Variants in NRG3 observed in about 807,000 individuals in gnomAD.
NRG3 encodes the protein neuregulin 3.
A neutral mutation model predicts 66.9 loss-of-function variants in NRG3; 31 were observed. The ratio of observed to expected loss-of-function variants is 0.46; its 90% CI spans 0.35 to 0.63. NRG3 has a LOEUF of 0.63. Among genes scored for constraint, NRG3 ranks in the 20% least tolerant of loss-of-function variants. The pLI, the probability that NRG3 is intolerant of heterozygous loss-of-function variation, is 0.00. For missense variants in NRG3, 910 were observed against 878.9 expected (o/e 1.04, Z -0.45); for synonymous variants, 393 against 359.4 (o/e 1.09, Z -1.06).
At chr10:82,078,098 CA>C (rs902720116) in intron 1 of NRG3, among the ~76,000 whole-genome samples, 3 of 149,826 alleles carry the variant, frequency 2.0e-5, no homozygotes, top group East Asian at 1.9e-4. Flanking sequence ...TCTCTAAATA[CA>C]AAAAAAAAGT....
chr10:82,640,348 T>G (rs1367801397), intron 2 of NRG3, among the ~76,000 whole-genome samples: 1 of 152,210 alleles, frequency 6.6e-6, no homozygotes, highest in African/African-American at 2.4e-5. Context: ...TTTATCCAGT[T>G]GATGATACAC....
At chr10:82,840,362 C>A (rs76205154) in intron 3 of NRG3, among the ~76,000 whole-genome samples, 1,591 of 152,186 alleles carry the variant, frequency 0.01, 30 homozygotes, top group African/African-American at 0.033. Flanking sequence ...TTTTCTCCTA[C>A]TTTGTTTCCC....
rs549797269 is a variant in NRG3, at chr10:82,908,169, A to C, written c.1054+42732A>C. On this transcript the variant is annotated intron_variant, in intron 4 of 8. Transcript: ENST00000372141. ...GGAAAACCAACTCCCATTCCTTTGC[A>C]AGGCCAGAAGCAAAAGCTGCCATGA... Among the ~76,000 whole-genome samples the C allele has an allele frequency of 9.8e-5, 15 of 152,338 alleles. No individual in the cohort carries two copies. The South Asian group carries it at 3.1e-3, about 32-fold the overall frequency.
chr10:82,279,747 G>T (rs1474312928), intron 1 of NRG3, among the ~76,000 whole-genome samples: 1 of 152,162 alleles, frequency 6.6e-6, no homozygotes, highest in African/African-American at 2.4e-5. Flanking sequence ...TGAATGCCAT[G>T]TGTTGATGTG....
At chr10:82,610,111 C>G (rs892053544) in intron 2 of NRG3, among the ~76,000 whole-genome samples, 1 of 152,188 alleles carries the variant, frequency 6.6e-6, no homozygotes. Flanking sequence ...CTCACCCCAT[C>G]GAGGGCCCCT....
At chr10:82,501,706 G>A (rs1844207526) in intron 2 of NRG3, among the ~76,000 whole-genome samples, 1 of 152,038 alleles carries the variant, frequency 6.6e-6, no homozygotes, top group Non-Finnish European at 1.5e-5. Flanking sequence ...TGTGCTTAAA[G>A]GTTGACCATG....
chr10:82,947,998 C>T (rs1193103882), intron 4 of NRG3, among the ~76,000 whole-genome samples: 20 of 152,112 alleles, frequency 1.3e-4, no homozygotes, highest in Non-Finnish European at 8.8e-5. Context: ...TTGCCAAATC[C>T]ATGGCACTAA....
intron 2 of NRG3, among the ~76,000 whole-genome samples, chr10:82,727,520 G>A (rs2057668768): frequency 6.6e-6 from 1 of 152,230 alleles, no homozygotes; most frequent in African/African-American, 2.4e-5. Context: ...GTACACAAAA[G>A]TCAAGAATTG....
At chr10:82,042,058 A>G (rs1056973876) in intron 1 of NRG3, among the ~76,000 whole-genome samples, 1 of 152,062 alleles carries the variant, frequency 6.6e-6, no homozygotes, top group Admixed American at 6.6e-5. Flanking sequence ...AGTTAGAGAT[A>G]TAAAGTGGCC....
Position 82,144,577 on chromosome 10 carries a change from G to A in NRG3, c.824-214162G>A, listed in dbSNP as rs185489027. 6.6e-5 allele frequency among the ~76,000 whole-genome samples: 10 copies of A among 152,284 alleles called. No individual in the cohort carries two copies. In the East Asian group the frequency reaches 9.7e-4, roughly 15 times the overall value. Reference sequence around the variant, plus strand: ...ATGGGCTAAAGACTAAAAAGAAGACGTGTAATAAAATTCCAGAGAAACAAG... The same window carrying A: ...ATGGGCTAAAGACTAAAAAGAAGACATGTAATAAAATTCCAGAGAAACAAG... On this transcript the variant is annotated intron_variant, in intron 1 of 8. Coordinates refer to ENST00000372141, the MANE Select transcript of NRG3 (RefSeq NM_001010848.4).
chr10:82,593,858 TTC>T (rs1479871936), intron 2 of NRG3, among the ~76,000 whole-genome samples: 1 of 152,006 alleles, frequency 6.6e-6, no homozygotes, highest in South Asian at 2.1e-4. Flanking sequence ...ATATATATAG[TTC>T]TTTGTTTATT....
intron 4 of NRG3, among the ~76,000 whole-genome samples, chr10:82,944,423 C>G (rs1475348437): frequency 6.6e-6 from 1 of 152,130 alleles, no homozygotes; most frequent in African/African-American, 2.4e-5. Context: ...CCATTTCAGT[C>G]ATGAACTGAC....
Position 82,704,070 on chromosome 10 carries a change from T to C in NRG3, c.954-34507T>C, listed in dbSNP as rs114806325. 5.1e-3 allele frequency among the ~76,000 whole-genome samples: 769 copies of C among 152,242 alleles called. 4 individuals are homozygous for C. The highest frequency in any genetic ancestry group is 0.018 in the African/African-American group (730 of 41,550). ...CATAATTGACTTATTTCTAATTAAA[T>C]GTGGTATAGAAAAAAAAAGACCTAC... On this transcript the variant is annotated intron_variant, in intron 2 of 8. Coordinates refer to ENST00000372141, the MANE Select transcript of NRG3 (RefSeq NM_001010848.4).
intron 1 of NRG3, among the ~76,000 whole-genome samples, chr10:82,018,333 T>C: frequency 6.6e-6 from 1 of 152,210 alleles, no homozygotes; most frequent in Admixed American, 6.5e-5. Context: ...TTTTGGTTAC[T>C]ATAGCCTTGT....
chr10:82,791,957 C>G (rs1219618330), intron 3 of NRG3, among the ~76,000 whole-genome samples: 2 of 152,112 alleles, frequency 1.3e-5, no homozygotes, highest in African/African-American at 4.8e-5. Flanking sequence ...GTTTTTACTG[C>G]TTTTATGGCT....
chr10:82,792,681 T>A (rs922758077), intron 3 of NRG3, among the ~76,000 whole-genome samples: 8 of 152,042 alleles, frequency 5.3e-5, no homozygotes, highest in African/African-American at 1.7e-4. Flanking sequence ...AGGGTTTTTA[T>A]TTATTTATTT....
intron 1 of NRG3, among the ~76,000 whole-genome samples, chr10:82,338,265 T>C (rs893935071): frequency 6.6e-6 from 1 of 152,212 alleles, no homozygotes; most frequent in East Asian, 1.9e-4. Context: ...TCTTTATTGA[T>C]CTAGTCTATG....
intron 1 of NRG3, among the ~76,000 whole-genome samples, chr10:81,941,506 G>T (rs1445147755): frequency 1.3e-5 from 2 of 152,072 alleles, no homozygotes; most frequent in Non-Finnish European, 2.9e-5. Flanking sequence ...TGTATAAAGT[G>T]GTTCTGATCA....
chr10:82,317,665 TG>T (rs1211360789), intron 1 of NRG3, among the ~76,000 whole-genome samples: 2 of 152,208 alleles, frequency 1.3e-5, no homozygotes, highest in Non-Finnish European at 2.9e-5. Flanking sequence ...ACATAGCATA[TG>T]ATCATGTTTG....
Sources: allele counts gnomAD v4.1 joint callset (sites outside exome capture counted in the v4.1 genomes callset), GRCh38; gene constraint gnomAD v4.1.1; transcripts MANE v1.5; gene names NCBI Gene and HGNC (gene_info 2026-07-23, HGNC 2026-07-21).